Variants in DPP6 observed in about 807,000 individuals in gnomAD.
DPP6 encodes the protein dipeptidyl peptidase like 6, also known as A-type potassium channel modulatory protein DPP6.
Under a neutral mutation model 122.6 loss-of-function variants are expected in DPP6, and 69 were observed. The observed-to-expected ratio is 0.56, with a 90% confidence interval of 0.46 to 0.69. The LOEUF is 0.69. Ranked by LOEUF, DPP6 falls within the 30% of genes least tolerant of loss-of-function variation. The pLI, the probability that DPP6 is intolerant of heterozygous loss-of-function variation, is 0.00. For missense variants in DPP6, 928 were observed against 1,116.9 expected, an observed-to-expected ratio of 0.83 and a Z score of 2.41; for synonymous variants, 418 against 433.1, an observed-to-expected ratio of 0.97 and a Z score of 0.43.
At chr7:154,211,301 C>T (rs76741664) in intron 1 of DPP6, among the ~76,000 whole-genome samples, 1,545 of 152,202 alleles carry the variant, frequency 0.01, 26 homozygotes, top group African/African-American at 0.035. Context: ...CAGGAGGGAA[C>T]GAGCAGGCAG....
At chr7:154,795,981 G>A (rs1798030096) in intron 12 of DPP6, 98 bp downstream of exon 12, 2 of 1,496,150 alleles carry the variant, frequency 1.3e-6, no homozygotes, top group Admixed American at 2.5e-5. Context: ...GCTTCTCAGA[G>A]TAAATCACAC....
intron 2 of DPP6, among the ~76,000 whole-genome samples, 174 bp downstream of exon 2, chr7:154,446,502 GT>G (rs1290557953): frequency 6.6e-6 from 1 of 152,104 alleles, no homozygotes; most frequent in Non-Finnish European, 1.5e-5. Flanking sequence ...CATTTTATAT[GT>G]TTTGGATTTG....
At chr7:154,414,932 G>A (rs112841157) in intron 1 of DPP6, among the ~76,000 whole-genome samples, 3,345 of 152,278 alleles carry the variant, frequency 0.022, 130 homozygotes, top group African/African-American at 0.076. Context: ...AGTATGTTCT[G>A]CAGGCCACTT....
intron 1 of DPP6, among the ~76,000 whole-genome samples, chr7:154,173,418 G>A (rs1186879918): frequency 3.9e-5 from 6 of 152,302 alleles, no homozygotes; most frequent in South Asian, 4.1e-4. Context: ...TGGACAAGTC[G>A]AGCAGATCCT....
intron 1 of DPP6, among the ~76,000 whole-genome samples, chr7:154,087,051 T>C (rs891646624): frequency 6.6e-6 from 1 of 151,974 alleles, no homozygotes; most frequent in Non-Finnish European, 1.5e-5. Flanking sequence ...TGCAGGGTGA[T>C]GTTACATATT....
At chr7:154,057,625 T>G (rs536048946) in intron 1 of DPP6, 3 of 150,866 alleles carry the variant, frequency 2.0e-5, no homozygotes, top group African/African-American at 7.5e-5. Flanking sequence ...TGTGGGGTTT[T>G]GTAGGCTGTG....
At chr7:153,991,656 G>A (rs1360092670) in intron 1 of DPP6, among the ~76,000 whole-genome samples, 2 of 152,114 alleles carry the variant, frequency 1.3e-5, no homozygotes, top group Non-Finnish European at 2.9e-5. Context: ...TTAATTTAGG[G>A]CCCAAGGGAC....
At chr7:154,671,724 A>G (rs1465683221) in intron 7 of DPP6, among the ~76,000 whole-genome samples, 2 of 152,226 alleles carry the variant, frequency 1.3e-5, no homozygotes, top group Non-Finnish European at 2.9e-5. Flanking sequence ...CACTCATGTC[A>G]TGCTCCGTTG....
At chr7:154,083,577 T>A (rs1482110866) in intron 1 of DPP6, among the ~76,000 whole-genome samples, 2 of 150,746 alleles carry the variant, frequency 1.3e-5, no homozygotes, top group Non-Finnish European at 2.9e-5. Context: ...GCACCACTTC[T>A]CTTCAGCATG....
chr7:154,305,341 C>CCCTCCCTCCCCCAT, intron 1 of DPP6: 1 of 970,134 alleles, frequency 1.0e-6, no homozygotes, highest in Non-Finnish European at 1.2e-6. Context: ...TGTCTACCCA[C>CCCTCCCTCCCCCAT]CCTCCCTCCC....
chr7:153,905,860 T>C (rs1344421518), intron 1 of DPP6, among the ~76,000 whole-genome samples: 3 of 152,188 alleles, frequency 2.0e-5, no homozygotes, highest in African/African-American at 7.2e-5. Context: ...AAGTGGAGAC[T>C]GAATTGCGGT....
chr7:154,313,717 A>G lies in DPP6; in HGVS notation c.244-132497A>G, dbSNP rs1164529236. 6.0e-4 allele frequency among the ~76,000 whole-genome samples: 23 copies of G among 38,088 alleles called. 5 individuals are homozygous for G. In the East Asian group the frequency reaches 0.015, roughly 26 times the overall value. The allele number at this position is 38,088 out of a possible 152,430, so 25.0% of individuals were successfully genotyped here. On this transcript the variant is annotated intron_variant, in intron 1 of 25. Coordinates refer to ENST00000377770, the MANE Select transcript of DPP6 (RefSeq NM_130797.4). The stretch of plus-strand genomic sequence containing the variant: ...TATATATATATATATATATATATAC[A>G]CACACACGCACGCACACACACACAC...
chr7:154,891,495 C>T (rs2150707754), intron 25 of DPP6, among the ~76,000 whole-genome samples: 1 of 152,298 alleles, frequency 6.6e-6, no homozygotes, highest in East Asian at 1.9e-4. Context: ...GAATCCGAGG[C>T]TCAGGCAAGT....
intron 7 of DPP6, among the ~76,000 whole-genome samples, chr7:154,720,361 G>A (rs1036942256): frequency 3.3e-5 from 5 of 152,196 alleles, no homozygotes; most frequent in African/African-American, 1.2e-4. Context: ...ACTTACTAGT[G>A]GGGGCTGGAT....
At chr7:154,429,097 C>A (rs1228901288) in intron 1 of DPP6, among the ~76,000 whole-genome samples, 1 of 151,904 alleles carries the variant, frequency 6.6e-6, no homozygotes, top group African/African-American at 2.4e-5. Flanking sequence ...AAGGCCTGGC[C>A]TCAGGTCTGA....
At chr7:153,758,180 C>T in the DPP6 span, among the ~76,000 whole-genome samples, 3 of 152,074 alleles carry the variant, frequency 2.0e-5, no homozygotes, top group African/African-American at 7.2e-5. Context: ...TTCAGGGACT[C>T]TTAATTGGTG....
At chr7:154,381,153 G>A (rs116901067) in intron 1 of DPP6, among the ~76,000 whole-genome samples, 1,968 of 152,220 alleles carry the variant, frequency 0.013, 33 homozygotes, top group Non-Finnish European at 0.017. Context: ...TTTCCAGTGG[G>A]ATCTCGTTGT....
intron 1 of DPP6, among the ~76,000 whole-genome samples, chr7:154,315,863 C>T (rs1188275108): frequency 6.6e-6 from 1 of 152,184 alleles, no homozygotes; most frequent in Non-Finnish European, 1.5e-5. Flanking sequence ...GTATTGAAGA[C>T]CTCAAGACTT....
chr7:154,777,783 C>T (rs988267280), intron 10 of DPP6, among the ~76,000 whole-genome samples: 1 of 152,126 alleles, frequency 6.6e-6, no homozygotes, highest in African/African-American at 2.4e-5. Flanking sequence ...GCTCCCAGAA[C>T]CCAAGACACA....
Sources: allele counts gnomAD v4.1 joint callset (sites outside exome capture counted in the v4.1 genomes callset), GRCh38; gene constraint gnomAD v4.1.1; transcripts MANE v1.5; gene names NCBI Gene and HGNC (gene_info 2026-07-23, HGNC 2026-07-21).